CLVS1: variants seen among roughly 807,000 people sequenced by gnomAD.
CLVS1 encodes the protein clavesin-1.
Under a neutral mutation model 33.1 loss-of-function variants are expected in CLVS1, and 10 were observed. The observed-to-expected ratio is 0.30, with a 90% confidence interval of 0.19 to 0.51. The LOEUF is 0.51. Among genes scored for constraint, CLVS1 ranks in the 20% least tolerant of loss-of-function variants. CLVS1 has a pLI of 0.97. For missense variants in CLVS1, 343 were observed against 433.4 expected (o/e 0.79, Z 1.85); for synonymous variants, 163 against 166.1 (o/e 0.98, Z 0.14).
chr8:61,047,475 A>G, the CLVS1 span, among the ~76,000 whole-genome samples: 1 of 152,242 alleles, frequency 6.6e-6, no homozygotes, highest in Admixed American at 6.5e-5. Context: ...CCAAAGGACT[A>G]TAAAGACACA....
chr8:61,232,441 T>C (rs1289298568), intron 2 of CLVS1, among the ~76,000 whole-genome samples: 2 of 152,138 alleles, frequency 1.3e-5, no homozygotes, highest in Non-Finnish European at 2.9e-5. Context: ...TTTGGGACTT[T>C]TGTGAATATG....
At chr8:61,228,853 A>T (rs1808379654) in intron 2 of CLVS1, among the ~76,000 whole-genome samples, 1 of 152,226 alleles carries the variant, frequency 6.6e-6, no homozygotes, top group Non-Finnish European at 1.5e-5. Context: ...CAACAATAGC[A>T]TAAGTGTGCA....
chr8:61,005,833 T>G, the CLVS1 span, among the ~76,000 whole-genome samples: 4 of 152,320 alleles, frequency 2.6e-5, no homozygotes, highest in East Asian at 7.7e-4. Context: ...CTCGACTGAT[T>G]GTTCCGGCAC....
intron 2 of CLVS1, among the ~76,000 whole-genome samples, chr8:61,251,904 G>A (rs1808957899): frequency 6.6e-6 from 1 of 151,890 alleles, no homozygotes; most frequent in South Asian, 2.1e-4. Context: ...TTTTTTGTGT[G>A]TCTCTATCTC....
chr8:61,272,394 T>C (rs548829042), intron 2 of CLVS1, among the ~76,000 whole-genome samples: 1 of 152,318 alleles, frequency 6.6e-6, no homozygotes, highest in South Asian at 2.1e-4. Flanking sequence ...CCTTTGAGGG[T>C]AACCCGACCT....
At chr8:61,013,338 C>G in the CLVS1 span, among the ~76,000 whole-genome samples, 1 of 152,208 alleles carries the variant, frequency 6.6e-6, no homozygotes, top group African/African-American at 2.4e-5. Flanking sequence ...TGACATGGCT[C>G]TGGTCCCCAG....
At chr8:61,256,857 G>A (rs1352472563) in intron 2 of CLVS1, among the ~76,000 whole-genome samples, 1 of 152,154 alleles carries the variant, frequency 6.6e-6, no homozygotes, top group African/African-American at 2.4e-5. Context: ...GTCATGCAGA[G>A]CTTCTGTTGG....
chr8:61,434,824 A>G (rs1285216759), intron 3 of CLVS1, among the ~76,000 whole-genome samples: 1 of 152,202 alleles, frequency 6.6e-6, no homozygotes, highest in Non-Finnish European at 1.5e-5. Flanking sequence ...CCTGGTTCTC[A>G]GTTGATTATC....
At chr8:61,068,095 C>T (rs1804715528) in intron 1 of CLVS1, among the ~76,000 whole-genome samples, 1 of 151,102 alleles carries the variant, frequency 6.6e-6, no homozygotes, top group Non-Finnish European at 1.5e-5. Flanking sequence ...TTACTTGACC[C>T]CAGAAGATCG....
intron 3 of CLVS1, among the ~76,000 whole-genome samples, chr8:61,381,748 G>A (rs547607606): frequency 9.9e-5 from 15 of 152,234 alleles, no homozygotes; most frequent in African/African-American, 3.6e-4. Flanking sequence ...TTGCATCCAT[G>A]TTGCTGCAAA....
chr8:61,439,764 C>T (rs1816471980), intron 3 of CLVS1, among the ~76,000 whole-genome samples: 1 of 151,774 alleles, frequency 6.6e-6, no homozygotes, highest in Non-Finnish European at 1.5e-5. Flanking sequence ...AATTTTTCAC[C>T]TATCACTTCC....
At chr8:61,337,142 A>G (rs1399697615) in intron 2 of CLVS1, among the ~76,000 whole-genome samples, 1 of 151,946 alleles carries the variant, frequency 6.6e-6, no homozygotes, top group Non-Finnish European at 1.5e-5. Flanking sequence ...CCAAGCTCCT[A>G]CTCTCTGTCT....
intron 2 of CLVS1, among the ~76,000 whole-genome samples, chr8:61,246,789 T>A (rs1808819914): frequency 6.6e-6 from 1 of 152,202 alleles, no homozygotes; most frequent in African/African-American, 2.4e-5. Context: ...AGCTTGGTAG[T>A]TATTTTCTTT....
At chr8:61,419,736 A>G (rs1346150611) in intron 3 of CLVS1, among the ~76,000 whole-genome samples, 1 of 152,136 alleles carries the variant, frequency 6.6e-6, no homozygotes, top group Non-Finnish European at 1.5e-5. Context: ...TTCTTTCTTT[A>G]GGTCTCTGTA....
intron 1 of CLVS1, among the ~76,000 whole-genome samples, chr8:61,121,401 C>T (rs376606285): frequency 1.3e-5 from 2 of 152,206 alleles, no homozygotes; most frequent in Non-Finnish European, 2.9e-5. Context: ...TCCTTATTCA[C>T]CGGCAACTCT....
At chr8:61,354,561 A>G (rs2129599311) in intron 2 of CLVS1, among the ~76,000 whole-genome samples, 1 of 152,250 alleles carries the variant, frequency 6.6e-6, no homozygotes, top group South Asian at 2.1e-4. Flanking sequence ...TGTAATAGCC[A>G]AAACCCAAAA....
chr8:61,182,402 G>A (rs903094908), intron 2 of CLVS1, among the ~76,000 whole-genome samples: 21 of 152,070 alleles, frequency 1.4e-4, no homozygotes, highest in Non-Finnish European at 3.1e-4. Context: ...GCAACCTACA[G>A]AATGAGAGAA....
intron 3 of CLVS1, among the ~76,000 whole-genome samples, chr8:61,389,683 T>C (rs886321055): frequency 3.9e-5 from 6 of 152,202 alleles, no homozygotes; most frequent in African/African-American, 7.2e-5. Flanking sequence ...TGGCATATCA[T>C]AGAATCAGAT....
chr8:61,070,897 T>A (rs1268572354), intron 1 of CLVS1, among the ~76,000 whole-genome samples: 1 of 152,136 alleles, frequency 6.6e-6, no homozygotes, highest in African/African-American at 2.4e-5. Context: ...TCTCAAACAG[T>A]GTTCTCTGGT....
Sources: gnomAD v4.1 joint callset for allele counts (sites outside exome capture counted in the v4.1 genomes callset) on GRCh38, gnomAD v4.1.1 for gene constraint, MANE v1.5 for transcripts, NCBI Gene and HGNC (gene_info 2026-07-23, HGNC 2026-07-21) for gene names.